Variants in NR6A1 observed in about 807,000 individuals in gnomAD.
NR6A1 encodes the protein retinoic acid receptor-related testis-associated receptor.
A neutral mutation model predicts 59.1 loss-of-function variants in NR6A1; 7 were observed. The observed-to-expected ratio is 0.12, with a 90% CI of 0.07 to 0.22. The LOEUF (loss-of-function observed/expected upper bound fraction) is 0.22, where lower values mean the gene tolerates loss of function less well. NR6A1 is among the 10% of genes least tolerant of loss of function. NR6A1 has a pLI of 1.00. For synonymous variants in NR6A1, 243 were observed against 236.1 expected (o/e 1.03, Z -0.27); for missense variants, 468 against 611.6 (o/e 0.77, Z 2.48).
At chr9:124,572,626 G>T (rs74987800) in intron 2 of NR6A1, among the ~76,000 whole-genome samples, 1 of 152,308 alleles carries the variant, frequency 6.6e-6, no homozygotes, top group East Asian at 1.9e-4. Flanking sequence ...GAGATCTGTG[G>T]TATGTTCGCA....
At chr9:124,528,614 T>C (rs1833009350) in intron 7 of NR6A1, among the ~76,000 whole-genome samples, 1 of 151,742 alleles carries the variant, frequency 6.6e-6, no homozygotes. Context: ...GGTGGGAGGA[T>C]CACCTGAGCG....
intron 8 of NR6A1, 27 bp downstream of exon 8, chr9:124,526,752 G>A (rs375776535): frequency 1.8e-5 from 29 of 1,610,692 alleles, no homozygotes; most frequent in Middle Eastern, 1.6e-4. Flanking sequence ...CACTGCAAAC[G>A]TCCCTTTTCC....
chr9:124,539,098 T>C (rs1833369902), intron 5 of NR6A1, among the ~76,000 whole-genome samples: 1 of 151,374 alleles, frequency 6.6e-6, no homozygotes, highest in South Asian at 2.1e-4. Context: ...AAAGACAGAG[T>C]CTTGCCATGT....
chr9:124,567,120 A>T (rs1005762651), intron 2 of NR6A1, among the ~76,000 whole-genome samples: 10 of 151,896 alleles, frequency 6.6e-5, no homozygotes, highest in African/African-American at 9.7e-5. Context: ...AAAAAAAAAA[A>T]TAAATAAAAA....
chr9:124,599,527 T>G, intron 2 of NR6A1: 1 of 607,066 alleles, frequency 1.6e-6, no homozygotes, highest in Non-Finnish European at 2.8e-6. Context: ...TGGACTCGTC[T>G]TCATTCTCAA....
At chr9:124,641,071 G>A (rs796234154) in intron 2 of NR6A1, among the ~76,000 whole-genome samples, 1 of 152,110 alleles carries the variant, frequency 6.6e-6, no homozygotes, top group Admixed American at 6.5e-5. Flanking sequence ...ACACAAAGTC[G>A]CCGGGTGCAG....
chr9:124,740,127 C>T (rs1463546455), intron 1 of NR6A1, among the ~76,000 whole-genome samples: 1 of 152,200 alleles, frequency 6.6e-6, no homozygotes, highest in Non-Finnish European at 1.5e-5. Flanking sequence ...TACATCGTGG[C>T]TCCCAGAATT....
intron 2 of NR6A1, among the ~76,000 whole-genome samples, chr9:124,722,892 T>C (rs777534489): frequency 2.6e-5 from 4 of 152,072 alleles, no homozygotes; most frequent in African/African-American, 4.8e-5. Flanking sequence ...GGTTTCATCA[T>C]GTTGTCCAGG....
intron 2 of NR6A1, among the ~76,000 whole-genome samples, chr9:124,720,692 C>A (rs1276113152): frequency 6.6e-6 from 1 of 152,018 alleles, no homozygotes; most frequent in Non-Finnish European, 1.5e-5. Context: ...AGAGTGGTCC[C>A]GGTTGACCAA....
intron 1 of NR6A1, among the ~76,000 whole-genome samples, chr9:124,760,288 G>A (rs1279133319): frequency 6.6e-6 from 1 of 151,616 alleles, no homozygotes; most frequent in Non-Finnish European, 1.5e-5. Context: ...CTCCAGCCTG[G>A]GAGACAGAGT....
chr9:124,578,641 G>T (rs1462308514), intron 2 of NR6A1, among the ~76,000 whole-genome samples: 3 of 152,176 alleles, frequency 2.0e-5, no homozygotes, highest in Non-Finnish European at 4.4e-5. Flanking sequence ...AGTCTACTAA[G>T]TAGTCTCCTT....
chr9:124,539,993 G>GA (rs1833391843), intron 5 of NR6A1, 40 bp downstream of exon 5: 1 of 1,515,182 alleles, frequency 6.6e-7, no homozygotes, highest in African/African-American at 1.6e-5. Flanking sequence ...TTTGGTGGGG[G>GA]ATCCCTAGAT....
rs1293469149 is a variant in NR6A1 at position 124,522,223 on chromosome 9, A to G, written c.*482T>C. 1 of 154,726 alleles carries G rather than the reference A, an allele frequency of 6.5e-6. No individual in the cohort carries two copies. The highest frequency in any genetic ancestry group is 1.4e-5 in the Non-Finnish European group (1 of 69,434). The allele number at this position is 154,726 out of a possible 1,614,324, so 9.6% of individuals were successfully genotyped here. A position where few individuals can be genotyped will look rare whatever the true frequency, so the allele number is the denominator to read the frequency against. On this transcript the variant is annotated 3_prime_UTR_variant, in exon 10 of 10. Transcript: ENST00000487099. ...TTATCTGGCAATTCTGTGGCTAAAAAAGGCAATTTGCTCTCTGACAGACAA... is the reference window on the plus strand; with the variant it reads ...TTATCTGGCAATTCTGTGGCTAAAAGAGGCAATTTGCTCTCTGACAGACAA...
chr9:124,526,872 C>G lies in NR6A1; in HGVS notation c.1108G>C (p.Glu370Gln). Reference protein sequence around the residue: ...RFSDEGMEVIERLIYLYHKFH... With the variant: ...RFSDEGMEVIQRLIYLYHKFH... ...TTGTGATAGAGGTAGATGAGCCGCT[C>G]GATCACCTCCATCCCTTCATCACTA... The change falls in exon 8 of 10, where the codon GAG becomes CAG. Residue 370 changes from glutamate to glutamine, a missense_variant. By Grantham distance (29) the Glu-to-Gln change is conservative (BLOSUM62 2). Coordinates refer to ENST00000487099, the MANE Select transcript of NR6A1 (RefSeq NM_033334.4). 1 of 1,614,056 alleles carries G rather than the reference C, an allele frequency of 6.2e-7. No individual in the cohort carries two copies. The highest frequency in any genetic ancestry group is 8.5e-7 in the Non-Finnish European group (1 of 1,179,934).
At chr9:124,598,211 C>G (rs1252247657) in intron 2 of NR6A1, among the ~76,000 whole-genome samples, 1 of 152,068 alleles carries the variant, frequency 6.6e-6, no homozygotes, top group African/African-American at 2.4e-5. Context: ...GGTGTGCACA[C>G]CAGTAGTCCC....
intron 4 of NR6A1, 39 bp from the exon 5 acceptor site, chr9:124,540,226 G>A (rs1433303372): frequency 6.3e-7 from 1 of 1,590,732 alleles, no homozygotes; most frequent in Non-Finnish European, 8.6e-7. Context: ...TGGGTGCTCA[G>A]GACACTTGCT....
intron 2 of NR6A1, among the ~76,000 whole-genome samples, chr9:124,630,684 T>C (rs1467987924): frequency 1.3e-4 from 18 of 139,150 alleles, no homozygotes; most frequent in African/African-American, 4.4e-4. Context: ...TTTTTTTTTT[T>C]TTTTTTTTTT....
At chr9:124,608,138 A>G (rs1835625249) in intron 2 of NR6A1, among the ~76,000 whole-genome samples, 1 of 152,104 alleles carries the variant, frequency 6.6e-6, no homozygotes, top group African/African-American at 2.4e-5. Flanking sequence ...AAAAGAAAAA[A>G]GCACTTTTTA....
intron 2 of NR6A1, among the ~76,000 whole-genome samples, chr9:124,682,298 G>A (rs1838191681): frequency 6.6e-6 from 1 of 152,034 alleles, no homozygotes; most frequent in Non-Finnish European, 1.5e-5. Context: ...CATCGCGCCT[G>A]GCCGCAACTA....
Sources: gnomAD v4.1 joint callset for allele counts (sites outside exome capture counted in the v4.1 genomes callset) on GRCh38, gnomAD v4.1.1 for gene constraint, MANE v1.5 for transcripts, NCBI Gene and HGNC (gene_info 2026-07-23, HGNC 2026-07-21) for gene names.